The following TMEM131 variants were observed in gnomAD, a reference collection of about 807,000 sequenced individuals.
The protein encoded by TMEM131 is 2610524E03Rik.
TMEM131 carries 66 observed loss-of-function variants against 211.6 expected under a neutral mutation model. The observed-to-expected ratio is 0.31, with a 90% CI of 0.26 to 0.38. The LOEUF is 0.38. Among genes scored for constraint, TMEM131 ranks in the 10% least tolerant of loss-of-function variants. The probability of loss-of-function intolerance (pLI) is 1.00; values close to 1 mark genes in which losing one functional copy is unlikely to be tolerated. For missense variants in TMEM131, 2,036 were observed against 2,299.3 expected (o/e 0.89, Z 2.34); for synonymous variants, 844 against 841.3 (o/e 1.00, Z -0.06).
At chr2:97,885,347 A>G in intron 4 of TMEM131, among the ~76,000 whole-genome samples, 1 of 149,768 alleles carries the variant, frequency 6.7e-6, no homozygotes, top group Non-Finnish European at 1.5e-5. Flanking sequence ...GCCCGCCACC[A>G]CGCCCAGCTA....
intron 22 of TMEM131, among the ~76,000 whole-genome samples, chr2:97,803,925 G>C (rs769392975): frequency 5.3e-5 from 8 of 152,158 alleles, no homozygotes; most frequent in Non-Finnish European, 1.2e-4. Context: ...TTTAATTAGT[G>C]TTCTCTTAGC....
chr2:97,909,524 T>C (rs1342934506), intron 2 of TMEM131, among the ~76,000 whole-genome samples: 1 of 152,120 alleles, frequency 6.6e-6, no homozygotes, highest in East Asian at 1.9e-4. Flanking sequence ...GATGAAGAAA[T>C]GGAAGTTCTT....
intron 29 of TMEM131, among the ~76,000 whole-genome samples, chr2:97,793,765 C>A (rs972811036): frequency 6.6e-6 from 1 of 151,496 alleles, no homozygotes. Flanking sequence ...GAGGCCGAGG[C>A]GGGTGGATCA....
intron 5 of TMEM131, among the ~76,000 whole-genome samples, chr2:97,851,117 T>C (rs969221890): frequency 6.6e-6 from 1 of 151,936 alleles, no homozygotes; most frequent in Admixed American, 6.6e-5. Context: ...GGCTTTTTCC[T>C]TCCTTGGTGA....
At chr2:97,761,210 G>C (rs2104758978) in intron 36 of TMEM131, 2 of 266,274 alleles carry the variant, frequency 7.5e-6, no homozygotes, top group Admixed American at 9.6e-5. Flanking sequence ...AAGAATGCTA[G>C]AGAGCCACTC....
intron 11 of TMEM131, among the ~76,000 whole-genome samples, chr2:97,826,976 C>G (rs1463903637): frequency 6.6e-6 from 1 of 150,424 alleles, no homozygotes; most frequent in Non-Finnish European, 1.5e-5. Flanking sequence ...CCGACCAGAC[C>G]TAGGAGGAAC....
chr2:97,957,822 C>T (rs917464276), intron 1 of TMEM131, among the ~76,000 whole-genome samples: 1 of 152,032 alleles, frequency 6.6e-6, no homozygotes, highest in African/African-American at 2.4e-5. Context: ...TAGTAGGTGC[C>T]TTGATTATTC....
At chr2:97,821,728 T>A (rs1258386986) in intron 11 of TMEM131, among the ~76,000 whole-genome samples, 1 of 152,206 alleles carries the variant, frequency 6.6e-6, no homozygotes, top group Admixed American at 6.5e-5. Flanking sequence ...CTATTTTTCC[T>A]TAGAATTCGG....
Position 97,815,232 on chromosome 2 carries a change from A to G in TMEM131, c.1259T>C (p.Leu420Pro). 1 of 1,566,660 alleles carries G rather than the reference A, an allele frequency of 6.4e-7. No homozygotes were observed. The highest frequency in any genetic ancestry group is 8.6e-7 in the Non-Finnish European group (1 of 1,166,580). The stretch of plus-strand genomic sequence containing the variant: ...AACTTCTGCTTGATATGGTATTTCA[A>G]GTTTAGAATAACTCTTTTCCTTTGC... ...VKAKEKSYSK[L>P]EIPYQAEVLD... Residue 420 changes from leucine to proline, a missense_variant, in exon 13 of 41, where the codon CTT becomes CCT. Leu to Pro is a moderately conservative substitution (Grantham distance 98). Transcript: ENST00000186436.
In TMEM131 at chr2:97,794,080, T is replaced by TC. The variant is rs1415299233; in HGVS notation, c.3387-528dup. ...AGTTTTTCTCTTTCTTTCTTTTTTTTCCTGAGACAAAGTTTCGCTCTTATT... is the reference window on the plus strand; with the variant it reads ...AGTTTTTCTCTTTCTTTCTTTTTTTTCCCTGAGACAAAGTTTCGCTCTTATT... On this transcript the variant is annotated intron_variant, in intron 29 of 40. Transcript: ENST00000186436. 8.6e-5 allele frequency among the ~76,000 whole-genome samples: 13 copies of TC among 151,848 alleles called. No homozygotes were observed. In the East Asian group the frequency reaches 9.7e-4, roughly 11 times the overall value.
intron 7 of TMEM131, 109 bp downstream of exon 7, chr2:97,841,706 A>C: frequency 7.7e-7 from 1 of 1,297,668 alleles, no homozygotes; most frequent in South Asian, 2.2e-5. Context: ...TACACTATAA[A>C]ACCCTATTAT....
chr2:97,768,488 G>A (rs1679300484), intron 33 of TMEM131, among the ~76,000 whole-genome samples: 1 of 152,178 alleles, frequency 6.6e-6, no homozygotes, highest in African/African-American at 2.4e-5. Context: ...GACAACTCCT[G>A]TTATTTTTGC....
intron 1 of TMEM131, among the ~76,000 whole-genome samples, chr2:97,941,102 C>T (rs9678236): frequency 0.016 from 2,506 of 152,276 alleles, 39 homozygotes; most frequent in Non-Finnish European, 0.023. Context: ...ACCAAAACAG[C>T]ATGGTACTGG....
At chr2:97,860,373 C>G (rs1047117712) in intron 4 of TMEM131, among the ~76,000 whole-genome samples, 1 of 152,150 alleles carries the variant, frequency 6.6e-6, no homozygotes, top group Non-Finnish European at 1.5e-5. Context: ...AATCCAAACC[C>G]TCATTTCTAA....
intron 1 of TMEM131, among the ~76,000 whole-genome samples, chr2:97,929,841 T>C (rs1251380747): frequency 6.6e-6 from 1 of 151,874 alleles, no homozygotes; most frequent in Non-Finnish European, 1.5e-5. Flanking sequence ...ATGACCTTTT[T>C]CTGGTTATGT....
intron 1 of TMEM131, among the ~76,000 whole-genome samples, chr2:97,978,208 T>A (rs760378471): frequency 1.6e-4 from 24 of 152,224 alleles, no homozygotes; most frequent in Non-Finnish European, 2.8e-4. Context: ...ACAGAAGAAC[T>A]TATTTCAAAA....
chr2:97,895,605 A>ATG (rs1325133919), intron 3 of TMEM131, among the ~76,000 whole-genome samples: 5 of 152,148 alleles, frequency 3.3e-5, no homozygotes, highest in African/African-American at 1.2e-4. Flanking sequence ...AGGAGGGTGT[A>ATG]TGTGTCCAAG....
intron 11 of TMEM131, among the ~76,000 whole-genome samples, chr2:97,822,471 T>A (rs1053676639): frequency 1.3e-5 from 2 of 152,166 alleles, no homozygotes; most frequent in African/African-American, 4.8e-5. Context: ...TTTTGGGGCA[T>A]AACATCTTTA....
intron 1 of TMEM131, among the ~76,000 whole-genome samples, chr2:97,979,241 T>C (rs1679680401): frequency 6.6e-6 from 1 of 152,134 alleles, no homozygotes; most frequent in African/African-American, 2.4e-5. Flanking sequence ...ATTCTTAAGG[T>C]CCCTAGAATT....
Sources: gnomAD v4.1 joint callset for allele counts (sites outside exome capture counted in the v4.1 genomes callset) on GRCh38, gnomAD v4.1.1 for gene constraint, MANE v1.5 for transcripts, NCBI Gene and HGNC (gene_info 2026-07-23, HGNC 2026-07-21) for gene names.